Variants in DOCK9 observed in about 807,000 individuals in gnomAD.
DOCK9 encodes dedicator of cytokinesis protein 9.
DOCK9 carries 89 observed loss-of-function variants against 263.3 expected under a neutral mutation model. The ratio of observed to expected loss-of-function variants is 0.34; its 90% CI spans 0.28 to 0.40. The LOEUF (loss-of-function observed/expected upper bound fraction) is 0.40, where lower values mean the gene tolerates loss of function less well. Among genes scored for constraint, DOCK9 ranks in the 10% least tolerant of loss-of-function variants. The pLI is 1.00. For synonymous variants in DOCK9, 976 were observed against 973.1 expected (o/e 1.00, Z -0.06); for missense variants, 2,140 against 2,603.4 (o/e 0.82, Z 3.87).
At chr13:98,966,151 G>A (rs2059168167) in intron 1 of DOCK9, among the ~76,000 whole-genome samples, 2 of 152,252 alleles carry the variant, frequency 1.3e-5, no homozygotes, top group African/African-American at 4.8e-5. Context: ...AGGAAGACAA[G>A]ACGGGAATTT....
At position 98,829,884 on chromosome 13, in the gene DOCK9, G is replaced by A; in HGVS notation, c.4636-128C>T. On this transcript the variant is annotated intron_variant, in intron 41 of 52. Transcript: ENST00000682017. The surrounding 1 kb of genome is among the most constrained non-coding windows in gnomAD (Gnocchi z 4.1). ...GGGGTTGGGGGGTGCTTTGAGCAGG[G>A]GTCGCTCCGTGTAGGAAACAATGTC... 2.9e-6 allele frequency: 2 copies of A among 697,888 alleles called. No homozygotes were observed. Among genetic ancestry groups the A allele is most frequent in the South Asian group, 3.3e-5 (2 of 60,584 alleles). The allele number at this position is 697,888 out of a possible 1,614,324, so 43.2% of individuals were successfully genotyped here.
At chr13:98,809,790 C>T (rs1402135758) in intron 46 of DOCK9, among the ~76,000 whole-genome samples, 2 of 152,182 alleles carry the variant, frequency 1.3e-5, no homozygotes, top group African/African-American at 4.8e-5. Flanking sequence ...CCTAGAGAAA[C>T]TGGATGACCT....
intron 45 of DOCK9, among the ~76,000 whole-genome samples, chr13:98,823,439 A>G (rs2092385141): frequency 1.3e-5 from 2 of 152,200 alleles, no homozygotes; most frequent in Non-Finnish European, 2.9e-5. Flanking sequence ...AAGCCCCAGT[A>G]TCAACCGTAT....
chr13:99,038,295 T>TCC (rs1387008734), intron 1 of DOCK9, among the ~76,000 whole-genome samples: 6 of 70,242 alleles, frequency 8.5e-5, no homozygotes, highest in Non-Finnish European at 1.5e-4. Context: ...CCCCTTTTTT[T>TCC]TTTTTTTTTT....
chr13:98,888,808 T>G (rs1368350935), intron 15 of DOCK9, 97 bp from the exon 16 acceptor site: 1 of 1,060,462 alleles, frequency 9.4e-7, no homozygotes, highest in African/African-American at 1.6e-5. Context: ...AAGCAAGCCA[T>G]AAAGACAATT....
Position 98,925,854 on chromosome 13 carries a change from C to T in DOCK9, c.399G>A (p.Glu133=). Residue 133 remains glutamate, a synonymous_variant, in exon 4 of 53, where the codon GAG becomes GAA. Transcript: ENST00000682017. The part of the protein sequence containing the change: ...VNYKYEDYSG[E]FRQLPNKVVK... ...TTACTCACTTCGGAAGCTGTCGAAA[C>T]TCTCCTGAGTAATCTTCATATTTAT... 1.3e-6 allele frequency: 2 copies of T among 1,574,604 alleles called. No homozygotes were observed. The highest frequency in any genetic ancestry group is 1.7e-4 in the Middle Eastern group (1 of 6,012).
Position 98,826,832 on chromosome 13 carries a change from T to C in DOCK9, c.5021A>G (p.Lys1674Arg), listed in dbSNP as rs1594396021. 1 of 1,607,588 alleles carries C rather than the reference T, an allele frequency of 6.2e-7. No individual in the cohort carries two copies. ...TALVAEYLTR[K>R]GVFRQGCTAF... The stretch of plus-strand genomic sequence containing the variant: ...AAAACATGAGAATAATTCCTTACCT[T>C]TCCGTGTGAGATATTCTGCCACTAG... The change falls in exon 44 of 53, where the codon AAA (lysine) becomes AGA (arginine). Residue 1674 changes from lysine (K) to arginine (R), a missense_variant and splice_region_variant. Physicochemically the swap from Lys to Arg is conservative, Grantham distance 26. This residue lies in a region of DOCK9 where 619 missense variants were observed against 861.8 expected (regional missense o/e 0.72). Coordinates refer to ENST00000682017, the MANE Select transcript of DOCK9 (RefSeq NM_001366683.2).
chr13:98,838,905 AAAAAAACAGAATC>A (rs1386033033), intron 38 of DOCK9, among the ~76,000 whole-genome samples: 5 of 151,886 alleles, frequency 3.3e-5, no homozygotes, highest in Non-Finnish European at 7.4e-5. Flanking sequence ...CAGTAATGGG[AAAAAAACAGAATC>A]TACACTCCAA....
chr13:99,083,101 A>C (rs1449782459), intron 1 of DOCK9, among the ~76,000 whole-genome samples: 1 of 152,082 alleles, frequency 6.6e-6, no homozygotes, highest in Non-Finnish European at 1.5e-5. Context: ...CTAAAAACAC[A>C]AAAATCAGCT....
chr13:99,017,825 C>CCACA (rs528312903), intron 1 of DOCK9, among the ~76,000 whole-genome samples: 168 of 152,248 alleles, frequency 1.1e-3, no homozygotes, highest in African/African-American at 3.8e-3. Context: ...CCAGCCTGGG[C>CCACA]CACATGTGGC....
chr13:99,080,895 GCAGGGA>G (rs1353321663), intron 1 of DOCK9, among the ~76,000 whole-genome samples: 2 of 152,214 alleles, frequency 1.3e-5, no homozygotes, highest in East Asian at 3.9e-4. Flanking sequence ...TTAGCACCCA[GCAGGGA>G]GCCCTGCCCC....
chr13:98,950,114 TCAGG>T (rs1459980360), intron 2 of DOCK9: 2 of 525,134 alleles, frequency 3.8e-6, no homozygotes, highest in Admixed American at 2.9e-5. Flanking sequence ...AAAATTTTCT[TCAGG>T]CAAAGTCTTG....
intron 44 of DOCK9, 104 bp from the exon 45 acceptor site, chr13:98,824,608 G>A (rs540085425): frequency 2.6e-5 from 28 of 1,072,184 alleles, no homozygotes; most frequent in African/African-American, 2.3e-4. Flanking sequence ...ATGAAATAAC[G>A]GATTTTGAAA....
chr13:98,857,860 A>G (rs2093745827), intron 33 of DOCK9: 1 of 152,262 alleles, frequency 6.6e-6, no homozygotes, highest in South Asian at 2.1e-4. Flanking sequence ...AAACCCTGTG[A>G]AAAAACTATG....
rs1407824959 is a variant in DOCK9 at position 99,006,677 on chromosome 13, G to A, written c.130-51126C>T. On this transcript the variant is annotated intron_variant, in intron 1 of 32. Transcript: ENST00000427887. ...ACATACCACAAATTAAGCAGTTTTG[G>A]TTTCTGGGCTGTGAGTTATGGGTAA... is the stretch of plus-strand genomic sequence containing the variant. Among the ~76,000 whole-genome samples the A allele has an allele frequency of 3.3e-5, 5 of 152,128 alleles. No homozygotes were observed. The East Asian group carries it at 7.7e-4, about 23-fold the overall frequency.
At position 98,954,897 on chromosome 13, in the gene DOCK9, C is replaced by CACACACACAT. The variant is rs1267820966; in HGVS notation, c.243+537_243+538insATGTGTGTGT. ...ACACACACACACACACACACACACA[C>CACACACACAT]ATTTTGGCATACTTATAATTAATAT... On this transcript the variant is annotated intron_variant, in intron 2 of 52. Transcript: ENST00000682017. 6.7e-3 allele frequency among the ~76,000 whole-genome samples: 1,003 copies of CACACACACAT among 149,878 alleles called. 11 individuals carry two copies. Among genetic ancestry groups the CACACACACAT allele is most frequent in the African/African-American group, 0.024 (971 of 40,958 alleles).
intron 38 of DOCK9, among the ~76,000 whole-genome samples, chr13:98,845,664 G>A (rs905453094): frequency 1.3e-5 from 2 of 152,300 alleles, no homozygotes; most frequent in Admixed American, 6.5e-5. Flanking sequence ...GGACCCAGCC[G>A]AGTTTTGTTT....
chr13:99,082,799 A>T lies in DOCK9; in HGVS notation c.129+3424T>A, dbSNP rs1367577237. Among the ~76,000 whole-genome samples the T allele has an allele frequency of 2.0e-5, 3 of 152,320 alleles. 1 individual carries two copies. In the East Asian group the frequency reaches 5.8e-4, roughly 29 times the overall value. On this transcript the variant is annotated intron_variant, in intron 1 of 32. Coordinates refer to the DOCK9 transcript ENST00000427887. ...CAAGGAAAGCATAATTATTATCTCC[A>T]ATCTACAGATGAAGAAACTGAGCCC...
At chr13:99,080,957 C>T (rs2042100678) in intron 1 of DOCK9, among the ~76,000 whole-genome samples, 1 of 152,226 alleles carries the variant, frequency 6.6e-6, no homozygotes, top group African/African-American at 2.4e-5. Context: ...ACAGTTCCTT[C>T]CCTCCCTGTT....
Sources: allele counts gnomAD v4.1 joint callset (sites outside exome capture counted in the v4.1 genomes callset), GRCh38; gene constraint gnomAD v4.1.1; regional missense constraint gnomAD v4.1.1; non-coding constraint Gnocchi (gnomAD v3.1); transcripts MANE v1.5; gene names NCBI Gene and HGNC (gene_info 2026-07-23, HGNC 2026-07-21).